Variants in NFYC observed in about 807,000 individuals in gnomAD.
NFYC encodes the protein nuclear transcription factor Y subunit gamma.
NFYC carries 25 observed loss-of-function variants against 53.1 expected under a neutral mutation model. The ratio of observed to expected loss-of-function variants is 0.47; its 90% CI spans 0.34 to 0.66. NFYC has a LOEUF of 0.66. NFYC is among the 30% of genes least tolerant of loss of function. The pLI is 0.01. For missense variants in NFYC, 260 were observed against 422.7 expected (o/e 0.62, Z 3.38); for synonymous variants, 145 against 152.6 (o/e 0.95, Z 0.37).
At chr1:40,754,596 A>G (rs1162090239) in intron 5 of NFYC, 2 of 368,074 alleles carry the variant, frequency 5.4e-6, no homozygotes, top group Non-Finnish European at 1.1e-5. Flanking sequence ...AGAGTATCAT[A>G]CACCTGCTTT....
chr1:40,720,218 G>A (rs1037620453), intron 1 of NFYC, among the ~76,000 whole-genome samples: 1 of 152,162 alleles, frequency 6.6e-6, no homozygotes, highest in Admixed American at 6.5e-5. Context: ...CAGTGTATCT[G>A]AATGAGCAGA....
chr1:40,715,136 G>T (rs1353699320), intron 1 of NFYC, among the ~76,000 whole-genome samples: 1 of 142,142 alleles, frequency 7.0e-6, no homozygotes, highest in Non-Finnish European at 1.5e-5. Flanking sequence ...GGGTGTGGTG[G>T]ATCATGCCTG....
At chr1:40,694,127 A>G (rs1642995277) in intron 1 of NFYC, among the ~76,000 whole-genome samples, 1 of 152,278 alleles carries the variant, frequency 6.6e-6, no homozygotes, top group Admixed American at 6.5e-5. Flanking sequence ...AATTTATGCC[A>G]AATGGCGAGG....
intron 1 of NFYC, among the ~76,000 whole-genome samples, chr1:40,702,029 G>A (rs1221652149): frequency 6.6e-6 from 1 of 152,120 alleles, no homozygotes; most frequent in African/African-American, 2.4e-5. Flanking sequence ...CAAACAGCCC[G>A]TGCCTAACAA....
At chr1:40,757,663 T>C (rs1464497327) in intron 5 of NFYC, among the ~76,000 whole-genome samples, 1 of 152,168 alleles carries the variant, frequency 6.6e-6, no homozygotes, top group Non-Finnish European at 1.5e-5. Flanking sequence ...TCTGTCCCCC[T>C]TGAAGTGGTG....
At chr1:40,738,113 A>G (rs1419072631) in intron 1 of NFYC, among the ~76,000 whole-genome samples, 1 of 151,978 alleles carries the variant, frequency 6.6e-6, no homozygotes, top group African/African-American at 2.4e-5. Flanking sequence ...TGTTTTAGCC[A>G]GGATGGTCTC....
chr1:40,717,772 T>C (rs1006445001), intron 1 of NFYC, among the ~76,000 whole-genome samples: 3 of 152,238 alleles, frequency 2.0e-5, no homozygotes, highest in Non-Finnish European at 2.9e-5. Context: ...ATTTTAGCTT[T>C]GTAAAATCTC....
chr1:40,707,493 AAGAGAG>A lies in NFYC; in HGVS notation c.-9+15636_-9+15641del, dbSNP rs143837443. Among the ~76,000 whole-genome samples, 82 of 140,520 alleles carry A rather than the reference AAGAGAG, an allele frequency of 5.8e-4. 1 individual carries two copies. The highest frequency in any genetic ancestry group is 2.7e-3 in the Admixed American group (38 of 14,042). The allele number at this position is 140,520 out of a possible 152,430, so 92.2% of individuals were successfully genotyped here. A position where few individuals can be genotyped will look rare whatever the true frequency, so the allele number is the denominator to read the frequency against. ...AGACTCCATCTCCAAAAAAAAAAAA[AAGAGAG>A]AGAGAGAGAAAAATTTATCCTCGTC... On this transcript the variant is annotated intron_variant, in intron 1 of 9. Transcript: ENST00000447388.
intron 1 of NFYC, chr1:40,712,713 T>C (rs1643977870): frequency 7.6e-6 from 1 of 131,300 alleles, no homozygotes; most frequent in Non-Finnish European, 1.6e-5. Flanking sequence ...TTGCCAAGGC[T>C]GGTGTGCCAG....
chr1:40,758,396 G>A, intron 6 of NFYC, 102 bp downstream of exon 6: 1 of 1,275,410 alleles, frequency 7.8e-7, no homozygotes, highest in Non-Finnish European at 1.1e-6. Flanking sequence ...GATCATTATA[G>A]AGCACTGGAT....
Position 40,742,517 on chromosome 1 carries a change from A to G in NFYC, c.105+3569A>G, listed in dbSNP as rs564708414. ...CTTTGAGGGATTCAGTTTTGGTTCA[A>G]GTTTTGTGGGTGAAGAGAAAGAAAA... is the stretch of plus-strand genomic sequence containing the variant. On this transcript the variant is annotated intron_variant, in intron 2 of 9. Coordinates refer to ENST00000447388, the MANE Select transcript of NFYC (RefSeq NM_014223.5). Among the ~76,000 whole-genome samples the G allele has an allele frequency of 8.2e-4, 125 of 152,292 alleles. 1 individual carries two copies. Among genetic ancestry groups the G allele is most frequent in the African/African-American group, 2.5e-3 (105 of 41,572 alleles).
At chr1:40,736,328 T>C (rs958589228) in intron 1 of NFYC, among the ~76,000 whole-genome samples, 1 of 152,192 alleles carries the variant, frequency 6.6e-6, no homozygotes, top group Non-Finnish European at 1.5e-5. Context: ...TGTAAACATT[T>C]AAGAGTGAAT....
intron 4 of NFYC, among the ~76,000 whole-genome samples, chr1:40,750,432 G>A (rs549522993): frequency 6.6e-6 from 1 of 152,264 alleles, no homozygotes; most frequent in East Asian, 1.9e-4. Context: ...AATACTTACT[G>A]AACACCCACA....
At chr1:40,730,591 A>G (rs1207442435) in intron 1 of NFYC, 3 of 985,330 alleles carry the variant, frequency 3.0e-6, no homozygotes, top group South Asian at 4.7e-5. Context: ...GCAAGTCACA[A>G]AAGTGAGTGA....
intron 1 of NFYC, among the ~76,000 whole-genome samples, chr1:40,722,109 T>A (rs1644350401): frequency 6.6e-6 from 1 of 152,120 alleles, no homozygotes; most frequent in Admixed American, 6.5e-5. Flanking sequence ...AGGCGAAGCT[T>A]GCAGTGAGCC....
Position 40,716,679 on chromosome 1 carries a change from G to A in NFYC, c.-8-22157G>A, listed in dbSNP as rs150976384. On this transcript the variant is annotated intron_variant, in intron 1 of 9. Transcript: ENST00000447388. The stretch of plus-strand genomic sequence containing the variant: ...ATTATTAGGAGGTTTAAAATAGGTA[G>A]TAACATAAAGGGCTTAGAATTGTAC... Among the ~76,000 whole-genome samples the A allele has an allele frequency of 2.0e-5, 3 of 152,240 alleles. No homozygotes were observed. In the East Asian group the frequency reaches 5.8e-4, roughly 29 times the overall value.
At chr1:40,723,133 A>G (rs1644385912) in intron 1 of NFYC, 1 of 152,176 alleles carries the variant, frequency 6.6e-6, no homozygotes. Context: ...TGTGGCATGT[A>G]TTTTATGAAC....
chr1:40,706,689 C>T (rs1643708140), intron 1 of NFYC, among the ~76,000 whole-genome samples: 1 of 152,136 alleles, frequency 6.6e-6, no homozygotes, highest in Non-Finnish European at 1.5e-5. Flanking sequence ...GAAAAACATG[C>T]TAATTGATTT....
chr1:40,750,246 GCCAAGCCC>G (rs1645839996), intron 4 of NFYC, among the ~76,000 whole-genome samples: 3 of 151,866 alleles, frequency 2.0e-5, no homozygotes, highest in Non-Finnish European at 4.4e-5. Context: ...TCACCCTATA[GCCAAGCCC>G]TGGCTCTTAG....
Sources: allele counts gnomAD v4.1 joint callset (sites outside exome capture counted in the v4.1 genomes callset), GRCh38; gene constraint gnomAD v4.1.1; transcripts MANE v1.5; gene names NCBI Gene and HGNC (gene_info 2026-07-23, HGNC 2026-07-21).